SLC4A4: variants seen among roughly 807,000 people sequenced by gnomAD.
The protein encoded by SLC4A4 is solute carrier family 4 member 4, also known as electrogenic sodium bicarbonate cotransporter 1.
A neutral mutation model predicts 111.5 loss-of-function variants in SLC4A4; 27 were observed. The ratio of observed to expected loss-of-function variants is 0.24; its 90% CI spans 0.18 to 0.33. The LOEUF (loss-of-function observed/expected upper bound fraction) is 0.33, where lower values mean the gene tolerates loss of function less well. Ranked by LOEUF, SLC4A4 falls within the 10% of genes least tolerant of loss-of-function variation. The probability of loss-of-function intolerance (pLI) is 1.00; values close to 1 mark genes in which losing one functional copy is unlikely to be tolerated. For synonymous variants in SLC4A4, 443 were observed against 463.4 expected, an observed-to-expected ratio of 0.96 and a Z score of 0.57; for missense variants, 909 against 1,315.5, an observed-to-expected ratio of 0.69 and a Z score of 4.78.
chr4:71,527,855 G>A (rs1182369202), intron 16 of SLC4A4, among the ~76,000 whole-genome samples: 1 of 151,968 alleles, frequency 6.6e-6, no homozygotes, highest in South Asian at 2.1e-4. Context: ...TTGTTCTTTA[G>A]CATGTAAATG....
In SLC4A4 at chr4:71,567,819, CAAATT is replaced by C. The variant is rs777485425; in HGVS notation, c.*70_*74del. ...TAGAACTCCAGTAAAAGTTGTGCCT[CAAATT>C]AGAATAGAACTTGAACCTGAAGACA... On this transcript the variant is annotated 3_prime_UTR_variant, in exon 26 of 26. Coordinates refer to ENST00000264485, the MANE Select transcript of SLC4A4 (RefSeq NM_001098484.3). The C allele has an allele frequency of 1.3e-6, 2 of 1,545,356 alleles. No homozygotes were observed. Among genetic ancestry groups the C allele is most frequent in the South Asian group, 2.5e-5 (2 of 81,302 alleles).
In SLC4A4 at chr4:71,339,285, C is replaced by T. The variant is rs769992727; in HGVS notation, c.254-85C>T. 40 of 1,614,032 alleles carry T rather than the reference C, an allele frequency of 2.5e-5. No homozygotes were observed. The highest frequency in any genetic ancestry group is 3.2e-5 in the Non-Finnish European group (38 of 1,180,032). On this transcript the variant is annotated intron_variant, in intron 3 of 25. Coordinates refer to ENST00000264485, the MANE Select transcript of SLC4A4 (RefSeq NM_001098484.3). ...AAATGTGGAAGGGAAGCCCAGTAAC[C>T]TTGGGGAGAGAGGAAGAGCCCGGAG...
intron 2 of SLC4A4, among the ~76,000 whole-genome samples, chr4:71,139,994 C>A (rs1274733558): frequency 6.6e-6 from 1 of 152,122 alleles, no homozygotes; most frequent in Non-Finnish European, 1.5e-5. Flanking sequence ...CTCTCTTAAT[C>A]CTCTCTGCTT....
At chr4:71,524,505 C>T (rs1488992496) in intron 16 of SLC4A4, among the ~76,000 whole-genome samples, 1 of 152,110 alleles carries the variant, frequency 6.6e-6, no homozygotes, top group Non-Finnish European at 1.5e-5. Context: ...CTTCTTTGCT[C>T]CTCAAATCTC....
intron 1 of SLC4A4, among the ~76,000 whole-genome samples, chr4:71,080,726 G>C (rs1421090214): frequency 6.6e-6 from 1 of 152,046 alleles, no homozygotes; most frequent in Non-Finnish European, 1.5e-5. Flanking sequence ...TCTGGTGACT[G>C]TTACTGCCCA....
At chr4:71,067,154 G>A (rs762917118) in intron 1 of SLC4A4, among the ~76,000 whole-genome samples, 3 of 151,678 alleles carry the variant, frequency 2.0e-5, no homozygotes, top group Non-Finnish European at 2.9e-5. Context: ...GTGAAAAGCA[G>A]TTCAAATGTA....
chr4:71,231,181 C>T (rs563484859), intron 1 of SLC4A4, among the ~76,000 whole-genome samples: 6 of 152,316 alleles, frequency 3.9e-5, no homozygotes, highest in Non-Finnish European at 5.9e-5. Context: ...AGCACTGTGA[C>T]GGGGCAGGCT....
At position 71,091,535 on chromosome 4, in the gene SLC4A4, G is replaced by A. The variant is rs1742389027; in HGVS notation, c.-64-1195G>A. Among the ~76,000 whole-genome samples, 3 of 152,062 alleles carry A rather than the reference G, an allele frequency of 2.0e-5. No individual in the cohort carries two copies. In the South Asian group the frequency reaches 6.2e-4, roughly 32 times the overall value. On this transcript the variant is annotated intron_variant, in intron 1 of 26. Transcript: ENST00000649996. ...CCCAAAGTGCTGGGATTACAGGCGT[G>A]AGCCACTGCACCCGGCCTGGCCAGG...
intron 2 of SLC4A4, among the ~76,000 whole-genome samples, chr4:71,143,283 A>C (rs536313951): frequency 2.0e-5 from 3 of 151,924 alleles, no homozygotes; most frequent in African/African-American, 7.3e-5. Flanking sequence ...TGAACTCATC[A>C]TTTTTTATGG....
At chr4:71,559,609 C>T (rs545990013) in intron 22 of SLC4A4, among the ~76,000 whole-genome samples, 3 of 151,862 alleles carry the variant, frequency 2.0e-5, no homozygotes, top group African/African-American at 7.2e-5. Context: ...ATGAAATGGT[C>T]TATGCATATT....
intron 2 of SLC4A4, among the ~76,000 whole-genome samples, chr4:71,175,992 G>A (rs1298775662): frequency 1.3e-5 from 2 of 152,158 alleles, no homozygotes; most frequent in South Asian, 2.1e-4. Context: ...TCAGAGGAAC[G>A]ATCAGGCAGC....
chr4:71,389,572 T>C (rs531602259), intron 6 of SLC4A4, among the ~76,000 whole-genome samples: 2 of 152,328 alleles, frequency 1.3e-5, no homozygotes, highest in East Asian at 3.9e-4. Flanking sequence ...TTGGGCCAGT[T>C]TGGCAGAGTC....
At chr4:71,157,664 CA>C (rs1179993688) in intron 2 of SLC4A4, among the ~76,000 whole-genome samples, 1 of 152,008 alleles carries the variant, frequency 6.6e-6, no homozygotes, top group Admixed American at 6.6e-5. Flanking sequence ...AATTTTCAGC[CA>C]GTTTTTGATT....
At chr4:71,198,812 T>TA (rs1383695789) in intron 1 of SLC4A4, among the ~76,000 whole-genome samples, 8 of 151,902 alleles carry the variant, frequency 5.3e-5, no homozygotes, top group Non-Finnish European at 1.0e-4. Flanking sequence ...TAAAAAATAA[T>TA]AAAAAAATAC....
intron 2 of SLC4A4, among the ~76,000 whole-genome samples, chr4:71,131,088 C>G (rs1560735441): frequency 6.6e-6 from 1 of 152,220 alleles, no homozygotes; most frequent in South Asian, 2.1e-4. Context: ...TTTGTCTTCT[C>G]AACCACTGAC....
At chr4:71,505,361 A>G (rs10026734) in intron 16 of SLC4A4, among the ~76,000 whole-genome samples, 23,200 of 151,880 alleles carry the variant, frequency 0.15, 3,517 homozygotes, top group East Asian at 0.44. Context: ...AGCATCTGCT[A>G]TTTTTTGACC....
At chr4:71,139,263 C>T (rs1313786679) in intron 2 of SLC4A4, among the ~76,000 whole-genome samples, 3 of 150,434 alleles carry the variant, frequency 2.0e-5, no homozygotes, top group Admixed American at 1.3e-4. Flanking sequence ...CAACCATTGA[C>T]TTTTGGTGTG....
At chr4:71,064,330 C>A (rs1741461251) in intron 1 of SLC4A4, among the ~76,000 whole-genome samples, 1 of 152,182 alleles carries the variant, frequency 6.6e-6, no homozygotes, top group South Asian at 2.1e-4. Flanking sequence ...ATGCTCTTAA[C>A]TGCTTGATGG....
chr4:71,076,418 G>GC (rs1247510155), intron 1 of SLC4A4, among the ~76,000 whole-genome samples: 5 of 151,894 alleles, frequency 3.3e-5, no homozygotes, highest in African/African-American at 1.2e-4. Context: ...TATAATCCCA[G>GC]CTACTCAGGA....
Sources: gnomAD v4.1 joint callset for allele counts (sites outside exome capture counted in the v4.1 genomes callset) on GRCh38, gnomAD v4.1.1 for gene constraint, MANE v1.5 for transcripts, NCBI Gene and HGNC (gene_info 2026-07-23, HGNC 2026-07-21) for gene names.